GARRE1: variants seen among roughly 807,000 people sequenced by gnomAD.
GARRE1 encodes granule associated Rac and RHOG effector protein 1.
Under a neutral mutation model 103.2 loss-of-function variants are expected in GARRE1, and 49 were observed. The observed-to-expected ratio is 0.47, with a 90% CI of 0.38 to 0.60. The LOEUF is 0.60. Among genes scored for constraint, GARRE1 ranks in the 20% least tolerant of loss-of-function variants. GARRE1 has a pLI of 0.00. For synonymous variants in GARRE1, 505 were observed against 532.8 expected (o/e 0.95, Z 0.72); for missense variants, 1,199 against 1,370.5 (o/e 0.87, Z 1.98).
Position 34,341,764 on chromosome 19 carries a change from C to T in GARRE1, c.1830C>T (p.Ser610=), listed in dbSNP as rs2074186701. 8 of 1,614,188 alleles carry T rather than the reference C, an allele frequency of 5.0e-6. No homozygotes were observed. Among genetic ancestry groups the T allele is most frequent in the East Asian group, 2.2e-5 (1 of 44,890 alleles). ...ACCCTTCACAGTCAGCTCAGAATTCCAGTAATACAGTGGCCAATGGCTTTC... is the reference window on the plus strand; with the variant it reads ...ACCCTTCACAGTCAGCTCAGAATTCTAGTAATACAGTGGCCAATGGCTTTC... ...TTDPSQSAQN[S]SNTVANGFLM... The change falls in exon 10 of 14, where the codon TCC becomes TCT. Residue 610 remains serine, a synonymous_variant. Transcript: ENST00000299505.
At position 34,300,603 on chromosome 19, in the gene GARRE1, C is replaced by T. The variant is rs774593069; in HGVS notation, c.130C>T (p.Pro44Ser). 6.2e-7 allele frequency: 1 copy of T among 1,613,426 alleles called. No homozygotes were observed. Among genetic ancestry groups the T allele is most frequent in the Non-Finnish European group, 8.5e-7 (1 of 1,180,046 alleles). ...TGAGCTGGGCCGAGCACTGAGTGCT[C>T]CCCTGGCATCCACGGCCACCACTGC... ...MPELGRALSAPLASTATTAPL... is the reference protein window; with the variant it reads ...MPELGRALSASLASTATTAPL... The change falls in exon 2 of 14, where the codon CCC becomes TCC. Residue 44 changes from proline to serine, a missense_variant. Coordinates refer to ENST00000299505, the MANE Select transcript of GARRE1 (RefSeq NM_014686.5).
rs1830724337 is a variant in GARRE1, at chr19:34,355,038, AAGAT to A, written c.*2086_*2089del. The A allele has an allele frequency of 1.3e-5, 2 of 152,594 alleles. No homozygotes were observed. Among genetic ancestry groups the A allele is most frequent in the African/African-American group, 4.8e-5 (2 of 41,440 alleles). 9.5% of individuals were successfully genotyped at this position (152,594 alleles called of 1,614,324 possible). ...AGTTGTCTATGGCTGTTCTACTTGT[AAGAT>A]AGTTTTCTATTTCCTTCAGTAATGT... On this transcript the variant is annotated 3_prime_UTR_variant, in exon 14 of 14. Transcript: ENST00000299505.
At chr19:34,255,120 G>A (rs1328199847) in intron 1 of GARRE1, among the ~76,000 whole-genome samples, 1 of 152,038 alleles carries the variant, frequency 6.6e-6, no homozygotes, top group Non-Finnish European at 1.5e-5. Context: ...TCCCGGCGGC[G>A]CCAGGCTGCC....
intron 13 of GARRE1, among the ~76,000 whole-genome samples, chr19:34,352,314 A>C (rs1293920276): frequency 6.6e-6 from 1 of 151,534 alleles, no homozygotes; most frequent in Non-Finnish European, 1.5e-5. Flanking sequence ...AGACAGGAGA[A>C]TCGCTTGAAC....
intron 2 of GARRE1, among the ~76,000 whole-genome samples, chr19:34,310,311 A>G (rs538826468): frequency 6.6e-6 from 1 of 152,284 alleles, no homozygotes; most frequent in East Asian, 1.9e-4. Context: ...GCACCCATAA[A>G]ACAGCATTTG....
At chr19:34,297,775 T>C (rs2073955138) in intron 1 of GARRE1, among the ~76,000 whole-genome samples, 1 of 152,202 alleles carries the variant, frequency 6.6e-6, no homozygotes, top group African/African-American at 2.4e-5. Context: ...AAGAAAACAT[T>C]TTGGAACACA....
At chr19:34,348,963 CGGGTGGT>C in intron 11 of GARRE1, 46 bp from the exon 12 acceptor site, 6 of 1,596,446 alleles carry the variant, frequency 3.8e-6, no homozygotes, top group Non-Finnish European at 5.1e-6. Context: ...GGTGGGGTGG[CGGGTGGT>C]GGGGCTGCAG....
chr19:34,265,694 A>G (rs989369871), intron 1 of GARRE1: 2 of 152,198 alleles, frequency 1.3e-5, no homozygotes, highest in African/African-American at 2.4e-5. Flanking sequence ...TTCGACTAGT[A>G]GAAGACAAGA....
rs1333510576 is a variant in GARRE1 at position 34,301,844 on chromosome 19, G to C, written c.495+876G>C. Among the ~76,000 whole-genome samples the C allele has an allele frequency of 2.0e-5, 3 of 151,280 alleles. No individual in the cohort carries two copies. In the South Asian group the frequency reaches 6.3e-4, roughly 32 times the overall value. On this transcript the variant is annotated intron_variant, in intron 2 of 13. Transcript: ENST00000299505. ...ACTACAGGCACCCGCCACCTCACCC[G>C]GCTAATTTTTTCGTATTTTTAGTAG...
intron 3 of GARRE1, among the ~76,000 whole-genome samples, chr19:34,323,711 T>A (rs955491425): frequency 6.6e-6 from 1 of 152,100 alleles, no homozygotes; most frequent in Non-Finnish European, 1.5e-5. Flanking sequence ...CTCCTGACTG[T>A]TCAGCTCACA....
intron 2 of GARRE1, among the ~76,000 whole-genome samples, chr19:34,319,632 A>G (rs1009345501): frequency 6.6e-6 from 1 of 152,150 alleles, no homozygotes; most frequent in African/African-American, 2.4e-5. Flanking sequence ...GGGTGGAGAC[A>G]GGATTGGGGG....
intron 2 of GARRE1, among the ~76,000 whole-genome samples, chr19:34,311,463 A>C (rs887803518): frequency 6.6e-6 from 1 of 152,288 alleles, no homozygotes; most frequent in East Asian, 1.9e-4. Flanking sequence ...ATAATCGTGA[A>C]GTCACCTAGA....
chr19:34,313,330 C>T (rs2074045249), intron 2 of GARRE1, among the ~76,000 whole-genome samples: 1 of 152,228 alleles, frequency 6.6e-6, no homozygotes, highest in South Asian at 2.1e-4. Flanking sequence ...GAAACTGGAA[C>T]AGCTGGAGAG....
intron 7 of GARRE1, among the ~76,000 whole-genome samples, chr19:34,332,920 C>G (rs1007989173): frequency 2.0e-5 from 3 of 152,120 alleles, no homozygotes; most frequent in Non-Finnish European, 4.4e-5. Context: ...AGGGTTAGTT[C>G]TTCCTCTGTC....
chr19:34,271,248 T>C (rs1202750573), intron 1 of GARRE1, among the ~76,000 whole-genome samples: 6 of 146,256 alleles, frequency 4.1e-5, no homozygotes, highest in Non-Finnish European at 9.1e-5. Flanking sequence ...GCACTTTCTT[T>C]TTTTTTTTTT....
intron 8 of GARRE1, among the ~76,000 whole-genome samples, chr19:34,335,680 T>G (rs1056079755): frequency 6.6e-6 from 1 of 152,168 alleles, no homozygotes; most frequent in Non-Finnish European, 1.5e-5. Flanking sequence ...CGCATGCCAC[T>G]ACGCCCAGCT....
chr19:34,272,080 G>A (rs779546805), intron 1 of GARRE1, among the ~76,000 whole-genome samples: 3 of 152,184 alleles, frequency 2.0e-5, no homozygotes, highest in African/African-American at 7.2e-5. Flanking sequence ...GGATTGACAG[G>A]ATTGAAAGGA....
intron 3 of GARRE1, among the ~76,000 whole-genome samples, chr19:34,325,854 C>T (rs1050840965): frequency 2.6e-5 from 4 of 152,096 alleles, no homozygotes; most frequent in African/African-American, 9.7e-5. Flanking sequence ...TTCACGGACC[C>T]GTCTGTAGGT....
At chr19:34,314,253 T>G (rs1435938417) in intron 2 of GARRE1, among the ~76,000 whole-genome samples, 4 of 152,166 alleles carry the variant, frequency 2.6e-5, no homozygotes, top group Non-Finnish European at 5.9e-5. Flanking sequence ...GCTATAAATA[T>G]AAATATAGAA....
Sources: gnomAD v4.1 joint callset for allele counts (sites outside exome capture counted in the v4.1 genomes callset) on GRCh38, gnomAD v4.1.1 for gene constraint, MANE v1.5 for transcripts, NCBI Gene and HGNC (gene_info 2026-07-23, HGNC 2026-07-21) for gene names.